NCAM2: variants seen among roughly 807,000 people sequenced by gnomAD.
NCAM2 encodes N-CAM-2.
NCAM2 carries 30 observed loss-of-function variants against 98.1 expected under a neutral mutation model. That is an observed-to-expected ratio of 0.31 (90% CI 0.23 to 0.41). The LOEUF (loss-of-function observed/expected upper bound fraction) is 0.41, where lower values mean the gene tolerates loss of function less well. Among genes scored for constraint, NCAM2 ranks in the 10% least tolerant of loss-of-function variants. The pLI is 1.00. For missense variants in NCAM2, 867 were observed against 1,005.8 expected, an observed-to-expected ratio of 0.86 and a Z score of 1.87; for synonymous variants, 368 against 342.4, an observed-to-expected ratio of 1.07 and a Z score of -0.83.
chr21:21,167,018 T>G (rs1455931278), intron 1 of NCAM2, among the ~76,000 whole-genome samples: 1 of 152,242 alleles, frequency 6.6e-6, no homozygotes, highest in Admixed American at 6.5e-5. Flanking sequence ...AGTATTGCTT[T>G]ATCTCCAAAT....
chr21:21,134,251 T>C (rs1299453496), intron 1 of NCAM2, among the ~76,000 whole-genome samples: 1 of 152,020 alleles, frequency 6.6e-6, no homozygotes, highest in African/African-American at 2.4e-5. Context: ...TTTGTATCTT[T>C]AGTAAAGACA....
At chr21:21,102,068 A>G (rs2066253301) in intron 1 of NCAM2, among the ~76,000 whole-genome samples, 2 of 152,008 alleles carry the variant, frequency 1.3e-5, no homozygotes, top group African/African-American at 4.8e-5. Context: ...GTTAAAGTGA[A>G]GGTCTGTCTT....
intron 11 of NCAM2, among the ~76,000 whole-genome samples, chr21:21,430,457 A>G (rs2077310207): frequency 7.0e-6 from 1 of 142,498 alleles, no homozygotes; most frequent in African/African-American, 2.6e-5. Context: ...TAATTTATAA[A>G]GGACAGAAAT....
At chr21:21,511,327 C>A (rs1257786464) in intron 16 of NCAM2, among the ~76,000 whole-genome samples, 2 of 151,924 alleles carry the variant, frequency 1.3e-5, no homozygotes, top group Non-Finnish European at 2.9e-5. Context: ...TTTTCTCTTT[C>A]TCCATGAGTT....
intron 16 of NCAM2, among the ~76,000 whole-genome samples, chr21:21,530,080 ATAATT>A (rs948196661): frequency 7.7e-5 from 11 of 143,020 alleles, no homozygotes; most frequent in South Asian, 2.1e-4. Context: ...ATAAAATTAT[ATAATT>A]TAATTTAATT....
intron 1 of NCAM2, among the ~76,000 whole-genome samples, chr21:21,150,457 A>G (rs1451257109): frequency 6.6e-6 from 1 of 152,092 alleles, no homozygotes; most frequent in East Asian, 1.9e-4. Flanking sequence ...TCACTATCAA[A>G]TATGAGGTTA....
intron 8 of NCAM2, among the ~76,000 whole-genome samples, chr21:21,368,589 C>T (rs997778175): frequency 2.0e-5 from 3 of 151,828 alleles, no homozygotes; most frequent in African/African-American, 7.3e-5. Context: ...GCTGAGGGCT[C>T]ACTTTGTCAA....
At position 21,152,600 on chromosome 21, in the gene NCAM2, T is replaced by C. The variant is rs1601510962; in HGVS notation, c.56-127978T>C. Among the ~76,000 whole-genome samples the C allele has an allele frequency of 2.6e-5, 4 of 152,100 alleles. No individual in the cohort carries two copies. The Middle Eastern group carries it at 0.014, about 517-fold the overall frequency. ...TTTTAAAGTATTTTAGGCTAGACTTTGTGGAGCCAGTACTCTAGAAGTAGC... is the reference window on the plus strand; with the variant it reads ...TTTTAAAGTATTTTAGGCTAGACTTCGTGGAGCCAGTACTCTAGAAGTAGC... On this transcript the variant is annotated intron_variant, in intron 1 of 17. Transcript: ENST00000400546.
intron 1 of NCAM2, among the ~76,000 whole-genome samples, chr21:21,107,473 C>T (rs1213099061): frequency 6.6e-6 from 1 of 151,986 alleles, no homozygotes; most frequent in Non-Finnish European, 1.5e-5. Context: ...TCAGTTTTTT[C>T]TGAAAAGTGT....
intron 1 of NCAM2, among the ~76,000 whole-genome samples, chr21:21,005,972 T>C (rs568191057): frequency 6.6e-6 from 1 of 152,332 alleles, no homozygotes; most frequent in Non-Finnish European, 1.5e-5. Context: ...TTACTCATTA[T>C]CTCATTGAAT....
chr21:21,308,113 C>T (rs2073940684), intron 5 of NCAM2, among the ~76,000 whole-genome samples: 1 of 151,662 alleles, frequency 6.6e-6, no homozygotes, highest in East Asian at 1.9e-4. Context: ...TAGATTCAAA[C>T]TTCCAATTAG....
intron 1 of NCAM2, among the ~76,000 whole-genome samples, chr21:21,023,361 TA>T (rs1345817546): frequency 5.3e-5 from 8 of 151,994 alleles, no homozygotes; most frequent in African/African-American, 1.9e-4. Context: ...CCGTCTCTAC[TA>T]AAAGTGCAAA....
intron 1 of NCAM2, among the ~76,000 whole-genome samples, chr21:21,059,966 G>T (rs956918460): frequency 6.6e-6 from 1 of 152,040 alleles, no homozygotes; most frequent in Non-Finnish European, 1.5e-5. Flanking sequence ...TGTTAGCTCC[G>T]ATATGGAAAT....
rs553282803 is a variant in NCAM2 at position 21,357,183 on chromosome 21, C to T, written c.1045-16680C>T. 1.8e-3 allele frequency among the ~76,000 whole-genome samples: 279 copies of T among 152,166 alleles called. 2 individuals carry two copies. The highest frequency in any genetic ancestry group is 6.6e-3 in the African/African-American group (272 of 41,524). Reference sequence around the variant, plus strand: ...GTATACAAGTGGGCTTTCACAAGGTCACAAATATAGCTTTGGCATATTTCT... The same window carrying T: ...GTATACAAGTGGGCTTTCACAAGGTTACAAATATAGCTTTGGCATATTTCT... On this transcript the variant is annotated intron_variant, in intron 8 of 17. Coordinates refer to ENST00000400546, the MANE Select transcript of NCAM2 (RefSeq NM_004540.5).
intron 9 of NCAM2, among the ~76,000 whole-genome samples, chr21:21,393,879 TGATTTGATGAAGGAAA>T (rs1170374321): frequency 2.0e-5 from 3 of 152,196 alleles, no homozygotes; most frequent in Non-Finnish European, 2.9e-5. Flanking sequence ...ATTTTATGTA[TGATTTGATGAAGGAAA>T]GATATTCTGA....
intron 12 of NCAM2, among the ~76,000 whole-genome samples, 157 bp downstream of exon 12, chr21:21,432,438 C>T (rs772729844): frequency 6.6e-6 from 1 of 151,410 alleles, no homozygotes; most frequent in African/African-American, 2.4e-5. Flanking sequence ...GATAATAACT[C>T]GAATACAGAG....
intron 1 of NCAM2, among the ~76,000 whole-genome samples, chr21:21,007,865 G>T (rs1295216346): frequency 1.3e-5 from 2 of 152,094 alleles, no homozygotes; most frequent in African/African-American, 2.4e-5. Flanking sequence ...CAGTCCCGTA[G>T]GTCTTGGCCT....
intron 9 of NCAM2, among the ~76,000 whole-genome samples, chr21:21,380,550 ATTCTGTT>A (rs1326967558): frequency 1.3e-5 from 2 of 151,700 alleles, no homozygotes; most frequent in East Asian, 3.9e-4. Context: ...CTCCAGAAGG[ATTCTGTT>A]TTCTTGTTTT....
Position 21,238,045 on chromosome 21 carries a change from T to C in NCAM2, c.56-42533T>C, listed in dbSNP as rs955608525. Among the ~76,000 whole-genome samples, 11 of 140,566 alleles carry C rather than the reference T, an allele frequency of 7.8e-5. 1 individual carries two copies. Among genetic ancestry groups the C allele is most frequent in the Admixed American group, 7.8e-4 (10 of 12,874 alleles). 92.2% of individuals were successfully genotyped at this position (140,566 alleles called of 152,430 possible). A position where few individuals can be genotyped will look rare whatever the true frequency, so the allele number is the denominator to read the frequency against. ...GTCTCGGTTCACTGCAACCCCTACCTCCTGGGTTCAAGCGATTCTCCTGCC... is the reference window on the plus strand; with the variant it reads ...GTCTCGGTTCACTGCAACCCCTACCCCCTGGGTTCAAGCGATTCTCCTGCC... On this transcript the variant is annotated intron_variant, in intron 1 of 17. Coordinates refer to ENST00000400546, the MANE Select transcript of NCAM2 (RefSeq NM_004540.5).
Sources: allele counts gnomAD v4.1 joint callset (sites outside exome capture counted in the v4.1 genomes callset), GRCh38; gene constraint gnomAD v4.1.1; transcripts MANE v1.5; gene names NCBI Gene and HGNC (gene_info 2026-07-23, HGNC 2026-07-21).